The following RIC1 variants were observed in gnomAD, a reference collection of about 807,000 sequenced individuals.
RIC1 encodes RIC1 partner of RAB6A GEF complex, also known as guanine nucleotide exchange factor subunit RIC1.
Under a neutral mutation model 169.0 loss-of-function variants are expected in RIC1, and 88 were observed. That is an observed-to-expected ratio of 0.52 (90% CI 0.44 to 0.62). RIC1 has a LOEUF of 0.62. Ranked by LOEUF, RIC1 falls within the 20% of genes least tolerant of loss-of-function variation. RIC1 has a pLI of 0.00. For missense variants in RIC1, 1,877 were observed against 1,725.5 expected, an observed-to-expected ratio of 1.09 and a Z score of -1.56; for synonymous variants, 790 against 601.5, an observed-to-expected ratio of 1.31 and a Z score of -4.59.
intron 6 of RIC1, among the ~76,000 whole-genome samples, chr9:5,728,536 C>T (rs966227114): frequency 2.0e-5 from 3 of 152,232 alleles, no homozygotes; most frequent in Non-Finnish European, 1.5e-5. Context: ...ACTCCATGGG[C>T]TGCACCCACT....
chr9:5,670,951 G>A (rs1391076109), intron 2 of RIC1, among the ~76,000 whole-genome samples: 11 of 152,148 alleles, frequency 7.2e-5, no homozygotes. Flanking sequence ...AGGACCACAG[G>A]ACCAGGACCA....
chr9:5,753,686 A>G (rs767570973), intron 14 of RIC1, 40 bp downstream of exon 14: 1 of 1,023,872 alleles, frequency 9.8e-7, no homozygotes, highest in Non-Finnish European at 1.5e-6. Flanking sequence ...TTCTCAAAGT[A>G]TAAGAGAACT....
intron 6 of RIC1, among the ~76,000 whole-genome samples, chr9:5,730,112 A>G (rs1348540661): frequency 6.6e-6 from 1 of 152,210 alleles, no homozygotes; most frequent in Non-Finnish European, 1.5e-5. Context: ...ACAAGAAAAC[A>G]GTACCTATGT....
chr9:5,655,648 C>T (rs1819054037), intron 1 of RIC1, among the ~76,000 whole-genome samples: 1 of 152,002 alleles, frequency 6.6e-6, no homozygotes, highest in Non-Finnish European at 1.5e-5. Context: ...AGTGCTTTTT[C>T]TGTGTTTATT....
intron 1 of RIC1, among the ~76,000 whole-genome samples, chr9:5,631,218 A>G (rs1352535063): frequency 6.6e-6 from 1 of 152,210 alleles, no homozygotes; most frequent in Admixed American, 6.5e-5. Context: ...TCTGGAATTT[A>G]AACTATTCAT....
chr9:5,734,879 T>A (rs1824605452), intron 7 of RIC1, among the ~76,000 whole-genome samples: 1 of 152,204 alleles, frequency 6.6e-6, no homozygotes, highest in East Asian at 1.9e-4. Context: ...GCCTTATTTC[T>A]TGGTTTCTAA....
At chr9:5,699,508 T>A (rs1003595816) in intron 3 of RIC1, among the ~76,000 whole-genome samples, 2 of 149,484 alleles carry the variant, frequency 1.3e-5, no homozygotes, top group African/African-American at 4.9e-5. Flanking sequence ...TTTTTTTTTT[T>A]CAAAAAACTG....
rs74764359 is a variant in RIC1, at chr9:5,770,253, C to T, written c.3591C>T (p.Ala1197=). 4.3e-6 allele frequency: 7 copies of T among 1,613,184 alleles called. No individual in the cohort carries two copies. The African/African-American group carries it at 9.4e-5, about 22-fold the overall frequency. Residue 1197 remains alanine (A), a synonymous_variant, in exon 23 of 26, where the codon GCC becomes GCT. Transcript: ENST00000414202. ...ASSHGPQMQD[A]FLSPLSNKGD... ...CCCATGGACCACAAATGCAAGATGC[C>T]TTCTTGTCACCTTTATCTAATAAAG...
intron 10 of RIC1, 145 bp from the exon 11 acceptor site, chr9:5,745,786 C>G (rs576747597): frequency 3.9e-5 from 25 of 645,050 alleles, no homozygotes; most frequent in Non-Finnish European, 5.5e-5. Flanking sequence ...TGATTCTTGT[C>G]TGTGTTATCA....
intron 2 of RIC1, among the ~76,000 whole-genome samples, chr9:5,681,303 C>G (rs1031712543): frequency 8.5e-5 from 13 of 152,080 alleles, no homozygotes; most frequent in Non-Finnish European, 1.6e-4. Context: ...GCATTTAGTG[C>G]TATAAAATTC....
At chr9:5,681,155 A>G (rs890940815) in intron 2 of RIC1, among the ~76,000 whole-genome samples, 21 of 151,254 alleles carry the variant, frequency 1.4e-4, no homozygotes, top group African/African-American at 2.7e-4. Flanking sequence ...TTGTGTCTCT[A>G]TTTCCTTCAG....
intron 1 of RIC1, among the ~76,000 whole-genome samples, chr9:5,653,580 A>AT (rs1554658997): frequency 2.1e-5 from 3 of 142,608 alleles, no homozygotes; most frequent in African/African-American, 7.3e-5. Context: ...GTCTCCATTT[A>AT]TTTTTTTCTT....
At chr9:5,701,769 C>G (rs2760416) in intron 3 of RIC1, among the ~76,000 whole-genome samples, 103,115 of 152,024 alleles carry the variant, frequency 0.68, 36,990 homozygotes, top group African/African-American at 0.92. Flanking sequence ...ATCTGTTCTT[C>G]CAAACAATTT....
intron 1 of RIC1, among the ~76,000 whole-genome samples, chr9:5,647,974 A>ATGG (rs775917627): frequency 8.1e-5 from 8 of 99,218 alleles, no homozygotes; most frequent in Non-Finnish European, 1.4e-4. Context: ...GGTGGTGGTG[A>ATGG]TGGTGGTGGT....
rs944777501 is a variant in RIC1 at position 5,697,044 on chromosome 9, A to C, written c.332+7006A>C. ...CCAGTCCTATATGAACTGGGTAGCC[A>C]AAAACCCTAGTAGTCATTCTTTGCC... On this transcript the variant is annotated intron_variant, in intron 3 of 25. Coordinates refer to ENST00000414202, the MANE Select transcript of RIC1 (RefSeq NM_020829.4). Among the ~76,000 whole-genome samples, 7 of 152,350 alleles carry C rather than the reference A, an allele frequency of 4.6e-5. No individual in the cohort carries two copies. In the East Asian group the frequency reaches 1.4e-3, roughly 29 times the overall value.
chr9:5,667,490 C>G (rs1259220431), intron 2 of RIC1, among the ~76,000 whole-genome samples: 1 of 149,910 alleles, frequency 6.7e-6, no homozygotes, highest in Non-Finnish European at 1.5e-5. Context: ...TTTGAAATGT[C>G]CCTCCACCGC....
At position 5,763,670 on chromosome 9, in the gene RIC1, C is replaced by T. The variant is rs1388247913; in HGVS notation, c.2643C>T (p.Asp881=). The T allele has an allele frequency of 2.5e-6, 4 of 1,614,162 alleles. No individual in the cohort carries two copies. Among genetic ancestry groups the T allele is most frequent in the Non-Finnish European group, 3.4e-6 (4 of 1,180,018 alleles). The change falls in exon 19 of 26, where the codon GAC becomes GAT. Residue 881 remains aspartate (D), a synonymous_variant. Coordinates refer to ENST00000414202, the MANE Select transcript of RIC1 (RefSeq NM_020829.4). The surrounding 1 kb of genome is among the most constrained non-coding windows in gnomAD (Gnocchi z 5.2). The part of the protein sequence containing the change: ...EEATSREPIP[D]PLLPTVAKFI... ...CTACCTCACGGGAGCCCATTCCCGA[C>T]CCTCTGCTTCCCACTGTGGCAAAAT...
In RIC1 at chr9:5,642,471, C is replaced by G. The variant is rs1036099363; in HGVS notation, c.144+13018C>G. Among the ~76,000 whole-genome samples the G allele has an allele frequency of 2.1e-5, 3 of 143,460 alleles. No individual in the cohort carries two copies. In the South Asian group the frequency reaches 6.4e-4, roughly 31 times the overall value. The allele number at this position is 143,460 out of a possible 152,430, so 94.1% of individuals were successfully genotyped here. On this transcript the variant is annotated intron_variant, in intron 1 of 25. Coordinates refer to ENST00000414202, the MANE Select transcript of RIC1 (RefSeq NM_020829.4). ...TGAAGCCAGCCAGGTTTATGTCCTT[C>G]CCTTCAGAGTGTCTCATTCCCCAAA...
intron 3 of RIC1, among the ~76,000 whole-genome samples, chr9:5,695,999 G>GA (rs1821880848): frequency 6.6e-6 from 1 of 152,140 alleles, no homozygotes; most frequent in African/African-American, 2.4e-5. Context: ...GTATGAGGTA[G>GA]AAAACCTTTA....
Sources: gnomAD v4.1 joint callset for allele counts (sites outside exome capture counted in the v4.1 genomes callset) on GRCh38, gnomAD v4.1.1 for gene constraint, Gnocchi (gnomAD v3.1) non-coding constraint, MANE v1.5 for transcripts, NCBI Gene and HGNC (gene_info 2026-07-23, HGNC 2026-07-21) for gene names.